IL1RAPL2: variants seen among roughly 807,000 people sequenced by gnomAD.
IL1RAPL2 encodes the protein interleukin 1 receptor accessory protein like 2, also known as X-linked interleukin-1 receptor accessory protein-like 2.
Under a neutral mutation model 44.1 loss-of-function variants are expected in IL1RAPL2, and 3 were observed. The observed-to-expected ratio is 0.07, with a 90% CI of 0.03 to 0.18. The LOEUF is 0.18. Ranked by LOEUF, IL1RAPL2 falls within the 10% of genes least tolerant of loss-of-function variation. The probability of loss-of-function intolerance (pLI) is 1.00; values close to 1 mark genes in which losing one functional copy is unlikely to be tolerated. For missense variants in IL1RAPL2, 391 were observed against 496.4 expected (o/e 0.79, Z 2.02); for synonymous variants, 181 against 178.8 (o/e 1.01, Z -0.10).
At chrX:105,195,010 CTT>C (rs2033662294) in intron 2 of IL1RAPL2, among the ~76,000 whole-genome samples, 1 of 110,118 alleles carries the variant, frequency 9.1e-6, no homozygotes, top group East Asian at 2.9e-4. Context: ...GTAGAGGTCT[CTT>C]GGAAATATTT....
At chrX:105,678,092 T>C (rs1385703276) in intron 6 of IL1RAPL2, among the ~76,000 whole-genome samples, 1 of 111,639 alleles carries the variant, frequency 9.0e-6, no homozygotes, top group East Asian at 2.8e-4. Flanking sequence ...GACAAATGTA[T>C]AGAGAATAGA....
intron 2 of IL1RAPL2, among the ~76,000 whole-genome samples, chrX:105,174,795 C>T (rs1004153474): frequency 2.7e-5 from 3 of 111,670 alleles, no homozygotes; most frequent in Non-Finnish European, 5.6e-5. Flanking sequence ...CCTTCAATGT[C>T]ACCCACTGCT....
chrX:104,909,095 C>T (rs1166502719), intron 2 of IL1RAPL2, among the ~76,000 whole-genome samples: 18 of 109,992 alleles, frequency 1.6e-4, no homozygotes, highest in Admixed American at 4.9e-4. Flanking sequence ...TCATTCATTT[C>T]GTCTTCCATC....
At chrX:105,565,315 T>C (rs2036966894) in intron 6 of IL1RAPL2, among the ~76,000 whole-genome samples, 1 of 111,725 alleles carries the variant, frequency 9.0e-6, no homozygotes, top group Non-Finnish European at 1.9e-5. Context: ...GAATTACAAC[T>C]GGAAGTTGAA....
At chrX:104,938,333 T>A (rs1925075838) in intron 2 of IL1RAPL2, among the ~76,000 whole-genome samples, 1 of 111,934 alleles carries the variant, frequency 8.9e-6, no homozygotes, top group African/African-American at 3.2e-5. Flanking sequence ...TATGGTGCTA[T>A]TATTTGATTA....
intron 2 of IL1RAPL2, among the ~76,000 whole-genome samples, chrX:104,804,655 A>G (rs1279067531): frequency 8.9e-6 from 1 of 112,229 alleles, no homozygotes; most frequent in African/African-American, 3.2e-5. Flanking sequence ...TCAGGAGGAG[A>G]CAGTGAACAA....
At chrX:104,913,791 A>T (rs1185107210) in intron 2 of IL1RAPL2, among the ~76,000 whole-genome samples, 1 of 112,226 alleles carries the variant, frequency 8.9e-6, no homozygotes, top group Non-Finnish European at 1.9e-5. Context: ...TATTTGCAAC[A>T]TGCAAAACAG....
chrX:104,712,894 A>AT (rs1931486193), intron 2 of IL1RAPL2, among the ~76,000 whole-genome samples: 1 of 111,038 alleles, frequency 9.0e-6, no homozygotes, highest in African/African-American at 3.3e-5. Context: ...AACAGGAGGC[A>AT]TTTTGGTGAG....
intron 1 of IL1RAPL2, among the ~76,000 whole-genome samples, chrX:104,614,390 C>T (rs1033867849): frequency 2.7e-5 from 3 of 111,241 alleles, no homozygotes; most frequent in Admixed American, 1.9e-4. Context: ...CATTGTATTC[C>T]AAGAGTATGA....
In IL1RAPL2 at chrX:105,455,461, A is replaced by T. The variant is rs752576127; in HGVS notation, c.698-28852A>T. 5.3e-4 allele frequency among the ~76,000 whole-genome samples: 59 copies of T among 112,168 alleles called. No homozygotes were observed. The Middle Eastern group carries it at 0.014, about 26-fold the overall frequency. ...GGGTTTTTATAGTTTTAGGTTTTAC[A>T]TTTAAGTCTTCAATCCACCTTGTGT... On this transcript the variant is annotated intron_variant, in intron 5 of 10. Coordinates refer to ENST00000372582, the MANE Select transcript of IL1RAPL2 (RefSeq NM_017416.2).
chrX:105,380,787 G>A (rs2035424070), intron 5 of IL1RAPL2, among the ~76,000 whole-genome samples: 1 of 111,688 alleles, frequency 9.0e-6, no homozygotes. Context: ...CCTTTGTATT[G>A]ATTGGCTTCT....
intron 2 of IL1RAPL2, among the ~76,000 whole-genome samples, chrX:105,093,577 C>G (rs1436212640): frequency 8.9e-6 from 1 of 111,736 alleles, no homozygotes; most frequent in Non-Finnish European, 1.9e-5. Flanking sequence ...AAGTGGAGAA[C>G]AGAATTCAAG....
At chrX:104,872,131 G>A (rs995824567) in intron 2 of IL1RAPL2, among the ~76,000 whole-genome samples, 4 of 111,886 alleles carry the variant, frequency 3.6e-5, no homozygotes, top group African/African-American at 1.3e-4. Context: ...GCATAGCCAA[G>A]CCTGAAAGTA....
At chrX:104,699,112 C>T (rs1332359766) in intron 2 of IL1RAPL2, among the ~76,000 whole-genome samples, 1 of 111,494 alleles carries the variant, frequency 9.0e-6, no homozygotes, top group African/African-American at 3.3e-5. Flanking sequence ...TCTAGACCAG[C>T]GGTCCCCAAC....
chrX:105,163,947 A>G (rs935956292), intron 2 of IL1RAPL2, among the ~76,000 whole-genome samples: 3 of 111,484 alleles, frequency 2.7e-5, no homozygotes, highest in African/African-American at 9.8e-5. Context: ...TCCAAAGGTT[A>G]TCTTTATACA....
intron 5 of IL1RAPL2, among the ~76,000 whole-genome samples, chrX:105,381,596 G>A (rs914294658): frequency 9.0e-6 from 1 of 111,628 alleles, no homozygotes; most frequent in African/African-American, 3.3e-5. Flanking sequence ...GTGTTAGCCA[G>A]TATACTTTTT....
chrX:104,612,728 T>C (rs778850512), intron 1 of IL1RAPL2, among the ~76,000 whole-genome samples: 42 of 111,601 alleles, frequency 3.8e-4, no homozygotes, highest in Admixed American at 9.6e-4. Flanking sequence ...ACATTGGTAG[T>C]TTGATAGGAA....
chrX:105,229,870 T>C (rs1425530226), intron 3 of IL1RAPL2, among the ~76,000 whole-genome samples: 3 of 112,104 alleles, frequency 2.7e-5, no homozygotes, highest in Admixed American at 9.4e-5. Flanking sequence ...CGATCTCAGC[T>C]CACTGCAACC....
At chrX:104,953,687 T>C (rs1322322389) in intron 2 of IL1RAPL2, among the ~76,000 whole-genome samples, 7 of 111,537 alleles carry the variant, frequency 6.3e-5, no homozygotes, top group Non-Finnish European at 1.1e-4. Context: ...AAGGTATTCA[T>C]TATTATGAGT....
Sources: allele counts gnomAD v4.1 joint callset (sites outside exome capture counted in the v4.1 genomes callset), GRCh38; gene constraint gnomAD v4.1.1; transcripts MANE v1.5; gene names NCBI Gene and HGNC (gene_info 2026-07-23, HGNC 2026-07-21).